Variants in RAB40C observed in about 807,000 individuals in gnomAD.
The protein encoded by RAB40C is ras-related protein Rab-40C.
Under a neutral mutation model 28.1 loss-of-function variants are expected in RAB40C, and 8 were observed. That is an observed-to-expected ratio of 0.28 (90% CI 0.17 to 0.51). RAB40C has a LOEUF of 0.51. RAB40C is among the 20% of genes least tolerant of loss of function. The pLI, the probability that RAB40C is intolerant of heterozygous loss-of-function variation, is 0.97. For synonymous variants in RAB40C, 201 were observed against 171.7 expected, an observed-to-expected ratio of 1.17 and a Z score of -1.34; for missense variants, 288 against 405.9, an observed-to-expected ratio of 0.71 and a Z score of 2.50.
In RAB40C at chr16:618,499, C is replaced by T. The variant is rs192216468; in HGVS notation, c.264+239C>T. On this transcript the variant is annotated intron_variant, in intron 3 of 5. Transcript: ENST00000248139. ...CCCCCTCCCGGGTTCAAGCGATTCT[C>T]CTGCCTCAGCCTCCCCAGTAGCTGG... 2.2e-4 allele frequency among the ~76,000 whole-genome samples: 34 copies of T among 152,372 alleles called. No homozygotes were observed. In the East Asian group the frequency reaches 4.6e-3, roughly 21 times the overall value.
rs934862494 is a variant in RAB40C, at chr16:627,931, A to C, written c.*309A>C. 1 of 365,866 alleles carries C rather than the reference A, an allele frequency of 2.7e-6. No homozygotes were observed. Among genetic ancestry groups the C allele is most frequent in the Non-Finnish European group, 4.9e-6 (1 of 204,356 alleles). The allele number at this position is 365,866 out of a possible 1,614,324, so 22.7% of individuals were successfully genotyped here. On this transcript the variant is annotated 3_prime_UTR_variant, in exon 6 of 6. Coordinates refer to ENST00000248139, the MANE Select transcript of RAB40C (RefSeq NM_021168.5). ...GTTGGCCTTTCTTATTTATATAGAG[A>C]ACACTTCACTTTTTTGTACATTTTT...
At chr16:591,015 A>G (rs1218273388) in intron 1 of RAB40C, among the ~76,000 whole-genome samples, 1 of 150,488 alleles carries the variant, frequency 6.6e-6, no homozygotes, top group Non-Finnish European at 1.5e-5. Flanking sequence ...GGAAGGTGTC[A>G]TGGGTCTAGG....
intron 3 of RAB40C, among the ~76,000 whole-genome samples, chr16:622,265 C>T (rs965800778): frequency 6.6e-6 from 1 of 152,208 alleles, no homozygotes; most frequent in Non-Finnish European, 1.5e-5. Context: ...CATATTGCCA[C>T]CGTTACCCAA....
At chr16:625,607 G>A in intron 4 of RAB40C, 98 bp downstream of exon 4, 3 of 1,282,276 alleles carry the variant, frequency 2.3e-6, no homozygotes, top group Non-Finnish European at 3.3e-6. Context: ...CGCCCCTCCT[G>A]TGGCCCCGGC....
At position 594,461 on chromosome 16, in the gene RAB40C, C is replaced by T. The variant is rs1386003222; in HGVS notation, c.142+4028C>T. Reference sequence around the variant, plus strand: ...ACGCTGCCTGCTGTACCCATGGGAGCGAGGGCACCCTGTGTGGGTGTCCCA... The same window carrying T: ...ACGCTGCCTGCTGTACCCATGGGAGTGAGGGCACCCTGTGTGGGTGTCCCA... On this transcript the variant is annotated intron_variant, in intron 1 of 5. Transcript: ENST00000248139. 3.9e-5 allele frequency among the ~76,000 whole-genome samples: 6 copies of T among 152,268 alleles called. No homozygotes were observed. In the South Asian group the frequency reaches 6.2e-4, roughly 16 times the overall value.
Position 622,930 on chromosome 16 carries a change from C to T in RAB40C, c.265-2502C>T, listed in dbSNP as rs781683103. Among the ~76,000 whole-genome samples, 58 of 152,300 alleles carry T rather than the reference C, an allele frequency of 3.8e-4. 1 individual carries two copies. The highest frequency in any genetic ancestry group is 6.5e-4 in the Non-Finnish European group (44 of 68,022). On this transcript the variant is annotated intron_variant, in intron 3 of 5. Transcript: ENST00000248139. ...GGTGCTTAGGGTGCCGTTCGTTAGG[C>T]GGCTGCTGGTCACCGAGAGTCTCCT...
chr16:611,264 G>C (rs1014421389), intron 1 of RAB40C, among the ~76,000 whole-genome samples: 4 of 152,208 alleles, frequency 2.6e-5, no homozygotes, highest in African/African-American at 9.6e-5. Context: ...CCTGGGCCAT[G>C]GCGCCATCTA....
chr16:625,581 C>T (rs574175417), intron 4 of RAB40C, 72 bp downstream of exon 4: 4 of 1,481,578 alleles, frequency 2.7e-6, no homozygotes, highest in South Asian at 2.3e-5. Flanking sequence ...CGGGTAGGCT[C>T]TGGATTCCCG....
Position 627,753 on chromosome 16 carries a change from C to A in RAB40C, c.*131C>A. ...TGCCTCAGAAGCGCCGGGCTTTCCT[C>A]ACACCTGAGCCGGGTGCGAGGAGGA... is the stretch of plus-strand genomic sequence containing the variant. On this transcript the variant is annotated 3_prime_UTR_variant, in exon 6 of 6. Transcript: ENST00000248139. 1 of 1,193,632 alleles carries A rather than the reference C, an allele frequency of 8.4e-7. No homozygotes were observed. Among genetic ancestry groups the A allele is most frequent in the Non-Finnish European group, 1.1e-6 (1 of 885,718 alleles). The allele number at this position is 1,193,632 out of a possible 1,614,324, so 73.9% of individuals were successfully genotyped here.
chr16:627,391 C>T lies in RAB40C; in HGVS notation c.615C>T (p.Pro205=), dbSNP rs753777502. The change falls in exon 6 of 6, where the codon CCC becomes CCT. Residue 205 remains proline, a synonymous_variant. Transcript: ENST00000248139. ...GCCGGGCCATCGTCTCCTGCACCCC[C>T]GTGCACCTCATCGACAAGCTTCCAC... is the stretch of plus-strand genomic sequence containing the variant. ...LCCRAIVSCT[P]VHLIDKLPLP... is the part of the protein sequence containing the mutation. 1.4e-5 allele frequency: 23 copies of T among 1,613,810 alleles called. No individual in the cohort carries two copies. Among genetic ancestry groups the T allele is most frequent in the Admixed American group, 3.3e-5 (2 of 60,008 alleles).
In RAB40C at chr16:618,278, C is replaced by A; in HGVS notation, c.264+18C>A. On this transcript the variant is annotated intron_variant, in intron 3 of 5. Transcript: ENST00000248139. The stretch of plus-strand genomic sequence containing the variant: ...GCGCTCAGGTAAGACCAGCACCGCT[C>A]TTTCCATTGCTTTTCAAAGGATGTT... 1 of 1,589,832 alleles carries A rather than the reference C, an allele frequency of 6.3e-7. No homozygotes were observed. Among genetic ancestry groups the A allele is most frequent in the Non-Finnish European group, 8.6e-7 (1 of 1,169,404 alleles).
At chr16:593,117 G>C (rs781305739) in intron 1 of RAB40C, among the ~76,000 whole-genome samples, 1 of 152,230 alleles carries the variant, frequency 6.6e-6, no homozygotes, top group Non-Finnish European at 1.5e-5. Flanking sequence ...GCTGTGGAAC[G>C]CGCTTTCTGT....
At chr16:627,271 C>T (rs2036857587) in intron 5 of RAB40C, 71 bp from the exon 6 acceptor site, 1 of 1,461,362 alleles carries the variant, frequency 6.8e-7, no homozygotes, top group African/African-American at 1.4e-5. Flanking sequence ...TTCTCTTGGG[C>T]ACCTCAGGTC....
intron 5 of RAB40C, 37 bp downstream of exon 5, chr16:626,158 G>A (rs755934294): frequency 7.0e-6 from 11 of 1,568,822 alleles, no homozygotes; most frequent in Middle Eastern, 1.7e-4. Context: ...TGAGGTCCCC[G>A]AACCTGGGCT....
intron 1 of RAB40C, among the ~76,000 whole-genome samples, chr16:597,365 C>G (rs1024048911): frequency 1.3e-5 from 2 of 152,088 alleles, no homozygotes; most frequent in African/African-American, 4.8e-5. Context: ...AGTCCTCAAA[C>G]CAAACTGGGA....
chr16:625,583 G>A (rs2036812735), intron 4 of RAB40C, 74 bp downstream of exon 4: 1 of 1,467,562 alleles, frequency 6.8e-7, no homozygotes, highest in Admixed American at 1.8e-5. Context: ...GGTAGGCTCT[G>A]GATTCCCGCC....
rs60094426 is a variant in RAB40C, at chr16:601,815, T to TAAAAAAA, written c.142+11406_142+11412dup. Among the ~76,000 whole-genome samples, 28 of 27,200 alleles carry TAAAAAAA rather than the reference T, an allele frequency of 1.0e-3. 2 individuals are homozygous for TAAAAAAA. Among genetic ancestry groups the TAAAAAAA allele is most frequent in the Admixed American group, 2.1e-3 (4 of 1,914 alleles). 17.8% of individuals were successfully genotyped at this position (27,200 alleles called of 152,430 possible). A position where few individuals can be genotyped will look rare whatever the true frequency, so the allele number is the denominator to read the frequency against. ...AAGGCCCTATCCCTGCAAAAAAAAG[T>TAAAAAAA]AAAAAAAAAAAAAAAAAAAAAAAAA... On this transcript the variant is annotated intron_variant, in intron 1 of 5. Transcript: ENST00000248139.
chr16:628,797 A>G lies in RAB40C; in HGVS notation c.*1175A>G, dbSNP rs568673433. The G allele has an allele frequency of 6.5e-6, 1 of 152,844 alleles. No individual in the cohort carries two copies. The highest frequency in any genetic ancestry group is 2.1e-4 in the South Asian group (1 of 4,828). The allele number at this position is 152,844 out of a possible 1,614,324, so 9.5% of individuals were successfully genotyped here. Reference sequence around the variant, plus strand: ...GGGCCTGCCCACAGCACTGGTGCTCACCTCTACCTCCTGTCCTCAGGCCGT... The same window carrying G: ...GGGCCTGCCCACAGCACTGGTGCTCGCCTCTACCTCCTGTCCTCAGGCCGT... On this transcript the variant is annotated 3_prime_UTR_variant, in exon 6 of 6. Transcript: ENST00000248139.
chr16:626,806 C>T (rs189208247), intron 5 of RAB40C, among the ~76,000 whole-genome samples: 11 of 152,328 alleles, frequency 7.2e-5, no homozygotes, highest in African/African-American at 1.9e-4. Flanking sequence ...GGCGTGGTGA[C>T]GCACACCTGT....
Sources: allele counts gnomAD v4.1 joint callset (sites outside exome capture counted in the v4.1 genomes callset), GRCh38; gene constraint gnomAD v4.1.1; transcripts MANE v1.5; gene names NCBI Gene and HGNC (gene_info 2026-07-23, HGNC 2026-07-21).